The following EPC2 variants were observed in gnomAD, a reference collection of about 807,000 sequenced individuals.
The protein encoded by EPC2 is enhancer of polycomb 2, also known as enhancer of polycomb homolog 2.
Under a neutral mutation model 92.1 loss-of-function variants are expected in EPC2, and 14 were observed. The ratio of observed to expected loss-of-function variants is 0.15; its 90% CI spans 0.10 to 0.24. EPC2 has a LOEUF of 0.24. EPC2 is among the 10% of genes least tolerant of loss of function. The pLI is 1.00. For synonymous variants in EPC2, 340 were observed against 334.7 expected, an observed-to-expected ratio of 1.02 and a Z score of -0.17; for missense variants, 755 against 971.5, an observed-to-expected ratio of 0.78 and a Z score of 2.96.
intron 1 of EPC2, among the ~76,000 whole-genome samples, chr2:148,662,722 A>T (rs1382060892): frequency 1.3e-5 from 2 of 152,152 alleles, no homozygotes; most frequent in African/African-American, 4.8e-5. Context: ...ATCCTAAATG[A>T]TGAGTTAATG....
chr2:148,737,386 C>CT (rs2105402140), intron 2 of EPC2, among the ~76,000 whole-genome samples: 1 of 152,186 alleles, frequency 6.6e-6, no homozygotes, highest in African/African-American at 2.4e-5. Context: ...GTTATTACCT[C>CT]TATCCCTGCC....
chr2:148,676,878 G>GA (rs1332290084), intron 1 of EPC2, among the ~76,000 whole-genome samples: 73 of 151,224 alleles, frequency 4.8e-4, no homozygotes, highest in African/African-American at 1.8e-3. Flanking sequence ...TTTTTGGGGG[G>GA]GGGGTTGAAT....
intron 2 of EPC2, among the ~76,000 whole-genome samples, chr2:148,720,769 G>A (rs750129022): frequency 6.6e-6 from 1 of 152,122 alleles, no homozygotes; most frequent in Non-Finnish European, 1.5e-5. Context: ...CAAGTGGGCC[G>A]CCGCGCCACC....
At chr2:148,676,529 A>G (rs566155983) in intron 1 of EPC2, among the ~76,000 whole-genome samples, 1 of 152,234 alleles carries the variant, frequency 6.6e-6, no homozygotes, top group South Asian at 2.1e-4. Flanking sequence ...AGAAAAAAAT[A>G]ACAATCACTT....
At chr2:148,716,103 A>G (rs542720792) in intron 2 of EPC2, among the ~76,000 whole-genome samples, 6 of 152,296 alleles carry the variant, frequency 3.9e-5, no homozygotes, top group African/African-American at 1.4e-4. Context: ...AGTTGCTTAT[A>G]AGCTTAAGAA....
At chr2:148,777,954 G>A (rs1683677112) in intron 10 of EPC2, among the ~76,000 whole-genome samples, 2 of 152,134 alleles carry the variant, frequency 1.3e-5, no homozygotes, top group South Asian at 2.1e-4. Flanking sequence ...TGTTACTAAC[G>A]TCCTGAATGA....
At chr2:148,746,068 CTTCT>C (rs1682979467) in intron 3 of EPC2, among the ~76,000 whole-genome samples, 1 of 151,828 alleles carries the variant, frequency 6.6e-6, no homozygotes, top group African/African-American at 2.4e-5. Context: ...ATGACCATTC[CTTCT>C]TTCTTTTGCT....
chr2:148,712,950 G>A (rs1369221597), intron 2 of EPC2, among the ~76,000 whole-genome samples: 1 of 151,456 alleles, frequency 6.6e-6, no homozygotes, highest in East Asian at 1.9e-4. Context: ...TAATCACTTT[G>A]GGAGGCGTGA....
At chr2:148,706,509 A>G (rs1452754270) in intron 2 of EPC2, among the ~76,000 whole-genome samples, 1 of 152,144 alleles carries the variant, frequency 6.6e-6, no homozygotes, top group Non-Finnish European at 1.5e-5. Context: ...CCACAAAGAT[A>G]CTCATCGAGA....
chr2:148,786,589 A>G lies in EPC2; in HGVS notation c.*212A>G, dbSNP rs1038842219. 2.8e-5 allele frequency: 12 copies of G among 421,998 alleles called. No homozygotes were observed. The East Asian group carries it at 3.8e-4, about 14-fold the overall frequency. The allele number at this position is 421,998 out of a possible 1,614,324, so 26.1% of individuals were successfully genotyped here. Reference sequence around the variant, plus strand: ...ATAGTTTATTTGTATCATCAATATTATTTCTGTTACTTGAATAGTAGATAT... The same window carrying G: ...ATAGTTTATTTGTATCATCAATATTGTTTCTGTTACTTGAATAGTAGATAT... On this transcript the variant is annotated 3_prime_UTR_variant, in exon 14 of 14. Coordinates refer to ENST00000258484, the MANE Select transcript of EPC2 (RefSeq NM_015630.4).
intron 1 of EPC2, among the ~76,000 whole-genome samples, chr2:148,647,841 C>CAA (rs1683836398): frequency 6.6e-6 from 1 of 151,598 alleles, no homozygotes; most frequent in African/African-American, 2.4e-5. Context: ...CCGTGTTGGC[C>CAA]AAAATGATTT....
chr2:148,648,558 G>T (rs1683853023), intron 1 of EPC2, among the ~76,000 whole-genome samples: 1 of 152,028 alleles, frequency 6.6e-6, no homozygotes, highest in Non-Finnish European at 1.5e-5. Context: ...ATTCACAATT[G>T]TTGCTGGGTG....
At chr2:148,726,765 G>GTTTTTTTTTTTTTTTTGTTTTTTTT (rs201293391) in intron 2 of EPC2, among the ~76,000 whole-genome samples, 27 of 100,598 alleles carry the variant, frequency 2.7e-4, no homozygotes, top group African/African-American at 3.9e-4. Context: ...TTTGTTTTTT[G>GTTTTTTTTTTTTTTTTGTTTTTTTT]TTTTTTTTTT....
chr2:148,744,897 A>G (rs1173954304), intron 3 of EPC2, among the ~76,000 whole-genome samples: 1 of 150,256 alleles, frequency 6.7e-6, no homozygotes, highest in Non-Finnish European at 1.5e-5. Context: ...TTACCCTACA[A>G]CTTAAATCTT....
chr2:148,693,380 A>G (rs544358082), intron 2 of EPC2, among the ~76,000 whole-genome samples: 81 of 152,264 alleles, frequency 5.3e-4, no homozygotes, highest in African/African-American at 1.9e-3. Flanking sequence ...CTTCCAATCC[A>G]TCATCCACTG....
chr2:148,721,621 CTCAG>C (rs1682374701), intron 2 of EPC2, among the ~76,000 whole-genome samples: 1 of 151,192 alleles, frequency 6.6e-6, no homozygotes, highest in Admixed American at 6.6e-5. Flanking sequence ...TGGAGAAATT[CTCAG>C]TCATTGTTGC....
intron 1 of EPC2, among the ~76,000 whole-genome samples, chr2:148,651,391 C>T (rs1435586422): frequency 6.6e-6 from 1 of 152,106 alleles, no homozygotes; most frequent in African/African-American, 2.4e-5. Flanking sequence ...TCTGTCTTCC[C>T]CTTCATTTTA....
intron 2 of EPC2, among the ~76,000 whole-genome samples, chr2:148,698,633 CAAAAAAAAAAAAA>C (rs36045036): frequency 9.5e-4 from 54 of 57,024 alleles, no homozygotes; most frequent in African/African-American, 3.1e-3. Context: ...GACTCCATCT[CAAAAAAAAAAAAA>C]AAAAAAAAAA....
At position 148,678,902 on chromosome 2, in the gene EPC2, G is replaced by A. The variant is rs149809670; in HGVS notation, c.154-11312G>A. Among the ~76,000 whole-genome samples, 1,098 of 152,336 alleles carry A rather than the reference G, an allele frequency of 7.2e-3. 6 individuals carry two copies. Among genetic ancestry groups the A allele is most frequent in the African/African-American group, 0.025 (1,028 of 41,572 alleles). Reference sequence around the variant, plus strand: ...AAGTGGGAGCCCAGGCAGAGGAGGCGCCAAGAGCGAGCGAGGGCTGTGAGG... The same window carrying A: ...AAGTGGGAGCCCAGGCAGAGGAGGCACCAAGAGCGAGCGAGGGCTGTGAGG... On this transcript the variant is annotated intron_variant, in intron 1 of 13. Coordinates refer to ENST00000258484, the MANE Select transcript of EPC2 (RefSeq NM_015630.4).
Sources: allele counts gnomAD v4.1 joint callset (sites outside exome capture counted in the v4.1 genomes callset), GRCh38; gene constraint gnomAD v4.1.1; transcripts MANE v1.5; gene names NCBI Gene and HGNC (gene_info 2026-07-23, HGNC 2026-07-21).